Variants in LY9 observed in about 807,000 individuals in gnomAD.
LY9 encodes the protein lymphocyte antigen 9.
In LY9, 59 loss-of-function variants were observed where a neutral mutation model predicts 64.6. The observed-to-expected ratio is 0.91, with a 90% confidence interval of 0.74 to 1.13. The LOEUF (loss-of-function observed/expected upper bound fraction) is 1.13, where lower values mean the gene tolerates loss of function less well. LY9 is among the 50% of genes most tolerant of loss of function. The pLI, the probability that LY9 is intolerant of heterozygous loss-of-function variation, is 0.00. For synonymous variants in LY9, 281 were observed against 308.5 expected, an observed-to-expected ratio of 0.91 and a Z score of 0.93; for missense variants, 789 against 797.2, an observed-to-expected ratio of 0.99 and a Z score of 0.12.
intron 2 of LY9, 68 bp from the exon 3 acceptor site, chr1:160,813,568 C>A: frequency 6.6e-7 from 1 of 1,519,542 alleles, no homozygotes; most frequent in South Asian, 1.2e-5. Flanking sequence ...TTGTCACTCC[C>A]TTCTTCTCTC....
chr1:160,814,332 T>C, intron 3 of LY9, 88 bp from the exon 4 acceptor site: 2 of 973,822 alleles, frequency 2.1e-6, no homozygotes, highest in Non-Finnish European at 3.1e-6. Flanking sequence ...AGGAGGGACT[T>C]CAGTCCCCTC....
At chr1:160,803,476 G>A (rs1666700240) in intron 2 of LY9, among the ~76,000 whole-genome samples, 1 of 152,054 alleles carries the variant, frequency 6.6e-6, no homozygotes, top group South Asian at 2.1e-4. Context: ...TTTCATCAGT[G>A]TTTTGTAGTT....
At chr1:160,824,003 G>A (rs1042947301) in intron 8 of LY9, among the ~76,000 whole-genome samples, 178 bp from the exon 9 acceptor site, 1 of 152,168 alleles carries the variant, frequency 6.6e-6, no homozygotes, top group Admixed American at 6.5e-5. Context: ...TCATTCTTGG[G>A]CCACTAATAA....
At position 160,813,767 on chromosome 1, in the gene LY9, C is replaced by T. The variant is rs35923801; in HGVS notation, c.586C>T (p.Pro196Ser). Residue 196 changes from proline to serine, a missense_variant, in exon 3 of 10, where the codon CCC (proline) becomes TCC (serine). By Grantham distance (74) the Pro-to-Ser change is moderately conservative (BLOSUM62 -1). Transcript: ENST00000263285. ...TCTGTACAGCTGGACCCCAAGGGAA[C>T]CCCATGCTTCTGAGTCCAATGGAGG... Reference protein sequence around the residue: ...SVLYSWTPREPHASESNGGSI... With the variant: ...SVLYSWTPRESHASESNGGSI... 25 of 1,614,038 alleles carry T rather than the reference C, an allele frequency of 1.5e-5. No individual in the cohort carries two copies. Among genetic ancestry groups the T allele is most frequent in the Non-Finnish European group, 1.9e-5 (23 of 1,180,042 alleles).
chr1:160,819,420 G>A, intron 7 of LY9, 46 bp downstream of exon 7: 2 of 1,515,256 alleles, frequency 1.3e-6, no homozygotes, highest in African/African-American at 2.7e-5. Flanking sequence ...GGTCCAAATG[G>A]AAGTTCTAAA....
chr1:160,801,894 C>T (rs771524372), intron 2 of LY9: 3 of 1,613,792 alleles, frequency 1.9e-6, no homozygotes, highest in Non-Finnish European at 2.5e-6. Context: ...GGCTGAGCCA[C>T]GTGTGAGCGT....
At chr1:160,801,701 C>A in intron 2 of LY9, 5 of 1,007,442 alleles carry the variant, frequency 5.0e-6, no homozygotes, top group Non-Finnish European at 7.7e-6. Context: ...ACATTCAAGT[C>A]TTTTAACTGA....
In LY9 at chr1:160,814,701, T is replaced by C; in HGVS notation, c.1012T>C (p.Tyr338His). ...KIEDAGPYHA[Y>H]VCSEASSVTS... ...AGAGGACGCCGGCCCCTACCATGCCTACGTGTGCTCAGAGGCCTCCAGCGT... is the reference window on the plus strand; with the variant it reads ...AGAGGACGCCGGCCCCTACCATGCCCACGTGTGCTCAGAGGCCTCCAGCGT... The change falls in exon 4 of 10, where the codon TAC becomes CAC. Residue 338 changes from tyrosine to histidine, a missense_variant. Physicochemically the swap from Tyr to His is moderately conservative, Grantham distance 83. Transcript: ENST00000263285. 6.2e-7 allele frequency: 1 copy of C among 1,614,192 alleles called. No individual in the cohort carries two copies. The highest frequency in any genetic ancestry group is 8.5e-7 in the Non-Finnish European group (1 of 1,180,012).
At position 160,823,744 on chromosome 1, in the gene LY9, T is replaced by C. The variant is rs771882414; in HGVS notation, c.1778T>C (p.Val593Ala). The C allele has an allele frequency of 6.2e-7, 1 of 1,614,080 alleles. No homozygotes were observed. The highest frequency in any genetic ancestry group is 1.1e-5 in the South Asian group (1 of 91,078). ...YDPVTPYVTE[V>A]ESVVGENTMY... Reference sequence around the variant, plus strand: ...CCCGTCACTCCATATGTCACGGAAGTTGAGTCTGTGGTTGGAGAGAACACC... The same window carrying C: ...CCCGTCACTCCATATGTCACGGAAGCTGAGTCTGTGGTTGGAGAGAACACC... The change falls in exon 8 of 10, where the codon GTT becomes GCT. Residue 593 changes from valine (V) to alanine (A), a missense_variant. Val to Ala is a moderately conservative substitution (Grantham distance 64). Coordinates refer to ENST00000263285, the MANE Select transcript of LY9 (RefSeq NM_002348.4).
At chr1:160,824,324 A>C in intron 9 of LY9, 75 bp downstream of exon 9, 1 of 1,584,988 alleles carries the variant, frequency 6.3e-7, no homozygotes. Context: ...TTGAACTGAA[A>C]ATCCGAGATT....
At chr1:160,824,596 A>G in intron 9 of LY9, 1 of 983,932 alleles carries the variant, frequency 1.0e-6, no homozygotes, top group Non-Finnish European at 1.2e-6. Context: ...ACAACTTCTC[A>G]AAACCATTGA....
chr1:160,826,106 T>C (rs1668838577), intron 9 of LY9, among the ~76,000 whole-genome samples: 1 of 152,246 alleles, frequency 6.6e-6, no homozygotes, highest in African/African-American at 2.4e-5. Context: ...GCATGTTACG[T>C]GTATTATATA....
chr1:160,823,550 G>T lies in LY9; in HGVS notation c.1584G>T (p.Gln528His). The T allele has an allele frequency of 3.7e-6, 6 of 1,614,186 alleles. No homozygotes were observed. Among genetic ancestry groups the T allele is most frequent in the Non-Finnish European group, 5.1e-6 (6 of 1,180,030 alleles). ...LDTPLRPARQ[Q>H]PTPTSDSSSD... Reference sequence around the variant, plus strand: ...CTCCCCTCAGGCCTGCCAGGCAACAGCCTACACCCACCTCAGACAGCAGCT... The same window carrying T: ...CTCCCCTCAGGCCTGCCAGGCAACATCCTACACCCACCTCAGACAGCAGCT... The change falls in exon 8 of 10, where the codon CAG (glutamine) becomes CAT (histidine). Residue 528 changes from glutamine (Q) to histidine (H), a missense_variant. Transcript: ENST00000263285.
chr1:160,802,398 C>G (rs1666583110), intron 2 of LY9: 1 of 986,654 alleles, frequency 1.0e-6, no homozygotes, highest in South Asian at 4.7e-5. Context: ...CAGCCCACTG[C>G]GTGGGAGGTC....
chr1:160,820,848 T>TG (rs972745049), intron 7 of LY9, among the ~76,000 whole-genome samples: 1 of 151,656 alleles, frequency 6.6e-6, no homozygotes, highest in Admixed American at 6.6e-5. Flanking sequence ...AATAGTTTTT[T>TG]TTTTTTTTTA....
At chr1:160,813,485 C>T in intron 2 of LY9, 151 bp from the exon 3 acceptor site, 1 of 688,340 alleles carries the variant, frequency 1.5e-6, no homozygotes, top group Non-Finnish European at 2.4e-6. Flanking sequence ...GAGAGGCTGT[C>T]AACCCAGCCT....
intron 2 of LY9, among the ~76,000 whole-genome samples, chr1:160,805,301 T>A (rs1382889725): frequency 6.6e-6 from 1 of 152,078 alleles, no homozygotes. Flanking sequence ...TTGTGTTTTT[T>A]TTTTCATTTG....
chr1:160,824,089 C>G, intron 8 of LY9, 92 bp from the exon 9 acceptor site: 1 of 1,524,364 alleles, frequency 6.6e-7, no homozygotes, highest in Non-Finnish European at 9.0e-7. Context: ...AGATGGGAAG[C>G]CAGGGGGTAT....
chr1:160,819,341 T>C lies in LY9; in HGVS notation c.1465T>C (p.Ser489Pro), dbSNP rs1362341516. The change falls in exon 7 of 10, where the codon TCC (serine) becomes CCC (proline). Residue 489 changes from serine to proline, a missense_variant. Coordinates refer to ENST00000263285, the MANE Select transcript of LY9 (RefSeq NM_002348.4). ...KGRCSVPAFCSSQAEAPADTP... is the reference protein window; with the variant it reads ...KGRCSVPAFCPSQAEAPADTP... ...CTCAGGTTCAGTCCCAGCCTTCTGT[T>C]CCAGCCAAGCTGAGGCCCCAGCGGA... is the stretch of plus-strand genomic sequence containing the variant. The C allele has an allele frequency of 6.2e-7, 1 of 1,613,754 alleles. No homozygotes were observed. Among genetic ancestry groups the C allele is most frequent in the African/African-American group, 1.3e-5 (1 of 75,036 alleles).
Sources: gnomAD v4.1 joint callset for allele counts (sites outside exome capture counted in the v4.1 genomes callset) on GRCh38, gnomAD v4.1.1 for gene constraint, MANE v1.5 for transcripts, NCBI Gene and HGNC (gene_info 2026-07-23, HGNC 2026-07-21) for gene names.